PRKCA: variants seen among roughly 807,000 people sequenced by gnomAD.
PRKCA encodes the protein protein kinase C alpha, also known as protein kinase C alpha type.
Under a neutral mutation model 87.0 loss-of-function variants are expected in PRKCA, and 27 were observed. The observed-to-expected ratio is 0.31, with a 90% CI of 0.23 to 0.43. PRKCA has a LOEUF of 0.43. Among genes scored for constraint, PRKCA ranks in the 20% least tolerant of loss-of-function variants. The pLI is 1.00. For missense variants in PRKCA, 518 were observed against 852.3 expected (o/e 0.61, Z 4.88); for synonymous variants, 329 against 311.1 (o/e 1.06, Z -0.61).
At chr17:66,578,216 G>A (rs1445822539) in intron 3 of PRKCA, among the ~76,000 whole-genome samples, 1 of 146,902 alleles carries the variant, frequency 6.8e-6, no homozygotes, top group African/African-American at 2.5e-5. Context: ...CCCAGGGTCG[G>A]GGCATCCACC....
At chr17:66,546,281 T>C (rs1968142140) in intron 3 of PRKCA, among the ~76,000 whole-genome samples, 1 of 152,226 alleles carries the variant, frequency 6.6e-6, no homozygotes. Flanking sequence ...AATTACTTCA[T>C]TTTATTATGT....
chr17:66,565,353 ACC>A (rs1968856891), intron 3 of PRKCA, among the ~76,000 whole-genome samples: 1 of 152,288 alleles, frequency 6.6e-6, no homozygotes, highest in South Asian at 2.1e-4. Flanking sequence ...TTTGCATTGT[ACC>A]TTCTCCATTT....
At chr17:66,661,501 A>C (rs1344445067) in intron 5 of PRKCA, among the ~76,000 whole-genome samples, 2 of 152,202 alleles carry the variant, frequency 1.3e-5, no homozygotes, top group Non-Finnish European at 2.9e-5. Flanking sequence ...GAAATTACTC[A>C]AGAGGGACAG....
Position 66,478,468 on chromosome 17 carries a change from G to A in PRKCA, c.206-17733G>A, listed in dbSNP as rs994600341. Reference sequence around the variant, plus strand: ...GGGGTTTCACCATGTTGGTCAGGCTGGTCTTGAACTCCTGACCTCAGGTGA... The same window carrying A: ...GGGGTTTCACCATGTTGGTCAGGCTAGTCTTGAACTCCTGACCTCAGGTGA... On this transcript the variant is annotated intron_variant, in intron 2 of 16. Transcript: ENST00000413366. 4.6e-5 allele frequency among the ~76,000 whole-genome samples: 7 copies of A among 152,126 alleles called. 1 individual carries two copies. The Middle Eastern group carries it at 0.014, about 296-fold the overall frequency.
chr17:66,619,601 C>T (rs2143685767), intron 3 of PRKCA, among the ~76,000 whole-genome samples: 1 of 152,310 alleles, frequency 6.6e-6, no homozygotes, highest in East Asian at 1.9e-4. Flanking sequence ...ATCATTATCT[C>T]CATCCATGAA....
intron 14 of PRKCA, chr17:66,777,913 C>T: frequency 1.0e-6 from 1 of 985,374 alleles, no homozygotes; most frequent in Non-Finnish European, 1.2e-6. Flanking sequence ...CCAAGCCTTC[C>T]TGGGATCTCA....
At chr17:66,794,427 T>G (rs373864297) in intron 16 of PRKCA, among the ~76,000 whole-genome samples, 1 of 151,906 alleles carries the variant, frequency 6.6e-6, no homozygotes, top group East Asian at 1.9e-4. Context: ...TGATGATCAT[T>G]TAATTATCGA....
intron 2 of PRKCA, among the ~76,000 whole-genome samples, chr17:66,363,828 G>A (rs568819611): frequency 1.3e-4 from 20 of 152,220 alleles, no homozygotes; most frequent in South Asian, 6.2e-4. Context: ...TCAGCCTCCC[G>A]AGTACCTGGG....
At chr17:66,467,276 G>A (rs755531594) in intron 2 of PRKCA, among the ~76,000 whole-genome samples, 1 of 152,090 alleles carries the variant, frequency 6.6e-6, no homozygotes, top group Non-Finnish European at 1.5e-5. Flanking sequence ...GTGTATGAAC[G>A]GAGTGATGTC....
intron 13 of PRKCA, among the ~76,000 whole-genome samples, chr17:66,768,262 G>GA (rs1555647117): frequency 1.3e-5 from 1 of 77,742 alleles, no homozygotes; most frequent in Non-Finnish European, 2.8e-5. Context: ...TTTTTTTTTT[G>GA]GGGGGGAGAG....
At chr17:66,637,271 C>T (rs1174728610) in intron 3 of PRKCA, among the ~76,000 whole-genome samples, 4 of 152,156 alleles carry the variant, frequency 2.6e-5, no homozygotes, top group East Asian at 1.9e-4. Context: ...GGGCTCCGTG[C>T]GAGCTGCCAT....
intron 2 of PRKCA, among the ~76,000 whole-genome samples, chr17:66,337,104 T>G (rs1906745512): frequency 6.6e-6 from 1 of 152,168 alleles, no homozygotes; most frequent in African/African-American, 2.4e-5. Context: ...CGTGCCTTCT[T>G]TATTGATGTA....
At chr17:66,375,153 A>AG (rs1381827101) in intron 2 of PRKCA, among the ~76,000 whole-genome samples, 2 of 152,196 alleles carry the variant, frequency 1.3e-5, no homozygotes, top group Non-Finnish European at 2.9e-5. Flanking sequence ...GGAAGATTTC[A>AG]GGTGAGCAGA....
At chr17:66,565,539 A>G (rs1968863362) in intron 3 of PRKCA, among the ~76,000 whole-genome samples, 1 of 152,192 alleles carries the variant, frequency 6.6e-6, no homozygotes, top group Admixed American at 6.5e-5. Flanking sequence ...TATAAAATGA[A>G]GTTGCTCTAG....
intron 5 of PRKCA, among the ~76,000 whole-genome samples, chr17:66,669,099 C>CT (rs1225186913): frequency 8.3e-6 from 1 of 121,168 alleles, no homozygotes; most frequent in Non-Finnish European, 1.8e-5. Context: ...GAGACCCTCT[C>CT]TTTAAAAAAA....
At chr17:66,531,639 T>C (rs1967545798) in intron 3 of PRKCA, among the ~76,000 whole-genome samples, 1 of 152,178 alleles carries the variant, frequency 6.6e-6, no homozygotes, top group African/African-American at 2.4e-5. Flanking sequence ...GACTGATGTT[T>C]TTACAAATCA....
chr17:66,547,205 G>A (rs1384752931), intron 3 of PRKCA, among the ~76,000 whole-genome samples: 1 of 152,108 alleles, frequency 6.6e-6, no homozygotes, highest in Admixed American at 6.5e-5. Context: ...CACTGAACTT[G>A]AACACCCTCC....
At chr17:66,730,485 G>C (rs2144193817) in intron 8 of PRKCA, among the ~76,000 whole-genome samples, 2 of 152,338 alleles carry the variant, frequency 1.3e-5, no homozygotes, top group East Asian at 1.9e-4. Flanking sequence ...GATTATTCAT[G>C]AGTTTTCTGG....
At chr17:66,631,900 A>G (rs1442012165) in intron 3 of PRKCA, among the ~76,000 whole-genome samples, 1 of 152,244 alleles carries the variant, frequency 6.6e-6, no homozygotes, top group African/African-American at 2.4e-5. Flanking sequence ...ACATAAAACA[A>G]TGTCTTGAGA....
Sources: allele counts gnomAD v4.1 joint callset (sites outside exome capture counted in the v4.1 genomes callset), GRCh38; gene constraint gnomAD v4.1.1; transcripts MANE v1.5; gene names NCBI Gene and HGNC (gene_info 2026-07-23, HGNC 2026-07-21).